Variants in RAB38 observed in about 807,000 individuals in gnomAD.
The protein encoded by RAB38 is ras-related protein Rab-38.
RAB38 carries 15 observed loss-of-function variants against 18.4 expected under a neutral mutation model. The ratio of observed to expected loss-of-function variants is 0.82; its 90% CI spans 0.55 to 1.26. RAB38 has a LOEUF of 1.26. Among genes scored for constraint, RAB38 ranks in the 50% most tolerant of loss-of-function variants. The probability of loss-of-function intolerance (pLI) is 0.00; values close to 1 mark genes in which losing one functional copy is unlikely to be tolerated. For missense variants in RAB38, 294 were observed against 267.4 expected (o/e 1.10, Z -0.69); for synonymous variants, 101 against 104.4 (o/e 0.97, Z 0.20).
At chr11:87,865,603 G>A in the RAB38 span, among the ~76,000 whole-genome samples, 1 of 151,646 alleles carries the variant, frequency 6.6e-6, no homozygotes, top group Non-Finnish European at 1.5e-5. Context: ...TATGTTGCCT[G>A]AAGCCACTAA....
chr11:87,977,623 A>G, the RAB38 span, among the ~76,000 whole-genome samples: 1 of 118,230 alleles, frequency 8.5e-6, no homozygotes, highest in African/African-American at 3.3e-5. Flanking sequence ...TAATTATGTA[A>G]TTGTATATTA....
the RAB38 span, among the ~76,000 whole-genome samples, chr11:88,045,340 T>G: frequency 6.6e-6 from 1 of 152,170 alleles, no homozygotes. Flanking sequence ...TATTTCTGAG[T>G]TGCAATTCCT....
the RAB38 span, among the ~76,000 whole-genome samples, chr11:87,941,349 C>A: frequency 6.6e-6 from 1 of 150,758 alleles, no homozygotes; most frequent in Admixed American, 6.6e-5. Context: ...GCAACTTACA[C>A]TCATCGCAGT....
the RAB38 span, among the ~76,000 whole-genome samples, chr11:87,948,228 T>C: frequency 1.3e-5 from 2 of 152,342 alleles, no homozygotes; most frequent in South Asian, 2.1e-4. Flanking sequence ...ATCCTTGTGA[T>C]TTTTGCACAT....
At chr11:87,810,221 A>G in the RAB38 span, among the ~76,000 whole-genome samples, 2 of 152,164 alleles carry the variant, frequency 1.3e-5, no homozygotes, top group East Asian at 1.9e-4. Flanking sequence ...CACTCTTTCT[A>G]TCACTATAAA....
chr11:88,004,204 C>T, the RAB38 span, among the ~76,000 whole-genome samples: 1 of 149,928 alleles, frequency 6.7e-6, no homozygotes, highest in Non-Finnish European at 1.5e-5. Context: ...GATGAAAGGA[C>T]ATACATTCTT....
chr11:87,847,520 C>T, the RAB38 span, among the ~76,000 whole-genome samples: 1 of 152,078 alleles, frequency 6.6e-6, no homozygotes, highest in South Asian at 2.1e-4. Flanking sequence ...TCTTTCAAAA[C>T]AAAACAAAAT....
chr11:88,110,821 AAAAAAAG>A (rs1361339226), downstream of RAB38, among the ~76,000 whole-genome samples: 1 of 147,128 alleles, frequency 6.8e-6, no homozygotes, highest in Non-Finnish European at 1.5e-5. Context: ...CTCAAAAAAA[AAAAAAAG>A]AAAAAAGAAA....
At chr11:87,918,993 C>A in the RAB38 span, among the ~76,000 whole-genome samples, 2 of 150,996 alleles carry the variant, frequency 1.3e-5, no homozygotes. Flanking sequence ...TTTTCTTATA[C>A]TGTATTTACA....
At chr11:88,129,002 C>G (rs191645462) in intron 2 of RAB38, among the ~76,000 whole-genome samples, 130 of 152,308 alleles carry the variant, frequency 8.5e-4, no homozygotes, top group African/African-American at 3.0e-3. Context: ...GTTGTATTTA[C>G]TATATCACTA....
At chr11:88,020,223 A>C in the RAB38 span, among the ~76,000 whole-genome samples, 1 of 152,194 alleles carries the variant, frequency 6.6e-6, no homozygotes, top group Non-Finnish European at 1.5e-5. Context: ...AACACACTTC[A>C]CCAATAGAGA....
At chr11:87,926,584 A>G in the RAB38 span, among the ~76,000 whole-genome samples, 3 of 151,970 alleles carry the variant, frequency 2.0e-5, no homozygotes, top group Non-Finnish European at 2.9e-5. Flanking sequence ...ATGGTAATAT[A>G]TGGAAGCTTG....
chr11:87,949,083 T>C, the RAB38 span, among the ~76,000 whole-genome samples: 3 of 152,212 alleles, frequency 2.0e-5, no homozygotes, highest in Non-Finnish European at 4.4e-5. Flanking sequence ...TATTGGTCTA[T>C]TAAGAGATTC....
the RAB38 span, among the ~76,000 whole-genome samples, chr11:88,058,145 C>A: frequency 2.0e-5 from 3 of 152,152 alleles, no homozygotes; most frequent in Non-Finnish European, 4.4e-5. Context: ...ACCAGAGAAT[C>A]ATTTCTCTGG....
At chr11:88,081,871 A>G in the RAB38 span, among the ~76,000 whole-genome samples, 1 of 151,914 alleles carries the variant, frequency 6.6e-6, no homozygotes, top group Admixed American at 6.6e-5. Context: ...AATATCCTTC[A>G]ACTGGTGAAG....
At chr11:87,952,145 G>T in the RAB38 span, among the ~76,000 whole-genome samples, 1 of 152,074 alleles carries the variant, frequency 6.6e-6, no homozygotes, top group Non-Finnish European at 1.5e-5. Flanking sequence ...GCACCACAGG[G>T]ATCCATCGGG....
chr11:87,845,125 A>G, the RAB38 span, among the ~76,000 whole-genome samples: 1 of 152,210 alleles, frequency 6.6e-6, no homozygotes, highest in Non-Finnish European at 1.5e-5. Context: ...AAAAGTAACA[A>G]CATCCTGCAG....
At chr11:87,966,501 A>C in the RAB38 span, among the ~76,000 whole-genome samples, 2 of 152,196 alleles carry the variant, frequency 1.3e-5, no homozygotes, top group African/African-American at 2.4e-5. Flanking sequence ...ATATATTTCT[A>C]AATTTCCAAG....
chr11:87,857,780 T>C, the RAB38 span, among the ~76,000 whole-genome samples: 1 of 152,142 alleles, frequency 6.6e-6, no homozygotes, highest in Non-Finnish European at 1.5e-5. Context: ...TTCAGATGAG[T>C]AGATTGCAAA....
Sources: gnomAD v4.1 joint callset for allele counts (sites outside exome capture counted in the v4.1 genomes callset) on GRCh38, gnomAD v4.1.1 for gene constraint, MANE v1.5 for transcripts, NCBI Gene and HGNC (gene_info 2026-07-23, HGNC 2026-07-21) for gene names.